Variants in SPAG16 observed in about 807,000 individuals in gnomAD.
The protein encoded by SPAG16 is sperm-associated antigen 16 protein.
Under a neutral mutation model 80.4 loss-of-function variants are expected in SPAG16, and 86 were observed. That is an observed-to-expected ratio of 1.07 (90% confidence interval 0.90 to 1.28). The LOEUF (loss-of-function observed/expected upper bound fraction) is 1.28. Ranked by LOEUF, SPAG16 falls within the 50% of genes most tolerant of loss-of-function variation. The pLI is 0.00. For missense variants in SPAG16, 870 were observed against 765.3 expected, an observed-to-expected ratio of 1.14 and a Z score of -1.61; for synonymous variants, 294 against 265.9, an observed-to-expected ratio of 1.11 and a Z score of -1.03.
At chr2:214,301,073 TA>T (rs1694518617) in intron 15 of SPAG16, among the ~76,000 whole-genome samples, 1 of 142,176 alleles carries the variant, frequency 7.0e-6, no homozygotes, top group African/African-American at 2.5e-5. Context: ...TAATAAAAGT[TA>T]GCAAGCTAAA....
intron 15 of SPAG16, among the ~76,000 whole-genome samples, chr2:214,352,217 CCAAA>C (rs1035759077): frequency 3.9e-5 from 6 of 152,204 alleles, no homozygotes; most frequent in South Asian, 4.2e-4. Context: ...AGGAGAGACA[CCAAA>C]CAGAGTATAG....
chr2:214,030,388 A>T (rs1028045330), intron 13 of SPAG16, among the ~76,000 whole-genome samples: 6 of 152,316 alleles, frequency 3.9e-5, no homozygotes, highest in Admixed American at 3.3e-4. Flanking sequence ...AGCATTATTC[A>T]TAACAGCCGA....
intron 10 of SPAG16, among the ~76,000 whole-genome samples, chr2:213,641,248 G>A (rs1347730766): frequency 6.6e-6 from 1 of 152,172 alleles, no homozygotes. Flanking sequence ...GCCTCACCCA[G>A]CTCCCAGGAA....
intron 15 of SPAG16, among the ~76,000 whole-genome samples, chr2:214,176,357 C>T (rs1018817935): frequency 7.3e-5 from 11 of 151,058 alleles, no homozygotes; most frequent in South Asian, 4.2e-4. Flanking sequence ...GGTTTGAAAA[C>T]TACAGGATAT....
chr2:213,876,589 A>C (rs897693484), intron 11 of SPAG16, among the ~76,000 whole-genome samples: 1 of 152,198 alleles, frequency 6.6e-6, no homozygotes, highest in African/African-American at 2.4e-5. Flanking sequence ...CAAAAGCATT[A>C]TAAGTATTCT....
At chr2:214,021,042 C>T (rs1035769017) in intron 13 of SPAG16, among the ~76,000 whole-genome samples, 1 of 152,084 alleles carries the variant, frequency 6.6e-6, no homozygotes, top group Non-Finnish European at 1.5e-5. Flanking sequence ...TCAAAATTAT[C>T]TGCTTACAGT....
chr2:213,288,242 A>G (rs78677936), intron 1 of SPAG16, among the ~76,000 whole-genome samples: 2,011 of 151,960 alleles, frequency 0.013, 42 homozygotes, highest in African/African-American at 0.045. Flanking sequence ...TAACAGTTCT[A>G]TCTAGTCTTT....
chr2:213,867,151 G>A (rs1334677656), intron 11 of SPAG16, among the ~76,000 whole-genome samples: 3 of 152,252 alleles, frequency 2.0e-5, no homozygotes, highest in Non-Finnish European at 4.4e-5. Context: ...TTTCGTCACA[G>A]TGTAACTCAT....
rs138436739 is a variant in SPAG16 at position 213,393,171 on chromosome 2, T to C, written c.942+18052T>C. ...ATTATGCATGTATAGCCCTGGATCA[T>C]TTGAAAATGCATAACTGAGACTGCA... On this transcript the variant is annotated intron_variant, in intron 9 of 15. Transcript: ENST00000331683. 2.3e-3 allele frequency among the ~76,000 whole-genome samples: 348 copies of C among 151,992 alleles called. 5 individuals are homozygous for C. The highest frequency in any genetic ancestry group is 0.014 in the Admixed American group (221 of 15,262).
intron 13 of SPAG16, among the ~76,000 whole-genome samples, chr2:214,033,541 A>G (rs1241943187): frequency 6.6e-6 from 1 of 152,146 alleles, no homozygotes; most frequent in Admixed American, 6.5e-5. Flanking sequence ...ACATGACACA[A>G]AAAGATTATA....
At chr2:213,365,856 A>T (rs2066250822) in intron 8 of SPAG16, among the ~76,000 whole-genome samples, 3 of 151,876 alleles carry the variant, frequency 2.0e-5, no homozygotes, top group Non-Finnish European at 2.9e-5. Context: ...TAAAGAAGAA[A>T]GATAGGCCGG....
intron 14 of SPAG16, among the ~76,000 whole-genome samples, chr2:214,122,424 A>C (rs1250556841): frequency 2.0e-5 from 3 of 151,974 alleles, no homozygotes; most frequent in East Asian, 3.9e-4. Flanking sequence ...CCTTTTTAAA[A>C]AACCAGTGAT....
chr2:214,242,450 G>T (rs906400947), intron 15 of SPAG16, among the ~76,000 whole-genome samples: 1 of 152,136 alleles, frequency 6.6e-6, no homozygotes, highest in African/African-American at 2.4e-5. Context: ...GCTTCAGAAG[G>T]TTGTTTTCTT....
chr2:213,358,997 T>C (rs971259607), intron 7 of SPAG16, among the ~76,000 whole-genome samples: 9 of 152,212 alleles, frequency 5.9e-5, no homozygotes, highest in African/African-American at 2.2e-4. Context: ...TAGTTTTCCT[T>C]CTAACAGTCA....
At chr2:213,757,101 C>T (rs573129038) in intron 10 of SPAG16, among the ~76,000 whole-genome samples, 15 of 151,966 alleles carry the variant, frequency 9.9e-5, no homozygotes, top group Admixed American at 3.9e-4. Context: ...AAATCTGAAA[C>T]GGAAATTTTT....
intron 12 of SPAG16, among the ~76,000 whole-genome samples, chr2:213,947,710 GA>G (rs2079536708): frequency 6.6e-6 from 1 of 152,138 alleles, no homozygotes; most frequent in Admixed American, 6.5e-5. Flanking sequence ...TAATTTTCGA[GA>G]AAGGCACAGA....
chr2:214,183,031 A>T (rs2057355131), intron 15 of SPAG16, among the ~76,000 whole-genome samples: 1 of 152,002 alleles, frequency 6.6e-6, no homozygotes, highest in South Asian at 2.1e-4. Flanking sequence ...GACTCTAACC[A>T]TTGGTTATTT....
At chr2:213,555,805 C>T (rs1307389715) in intron 10 of SPAG16, among the ~76,000 whole-genome samples, 1 of 152,054 alleles carries the variant, frequency 6.6e-6, no homozygotes, top group East Asian at 1.9e-4. Context: ...ATTCAGAATA[C>T]TCTAATAATG....
chr2:213,899,509 T>G (rs1249173621), intron 11 of SPAG16, among the ~76,000 whole-genome samples: 1 of 152,096 alleles, frequency 6.6e-6, no homozygotes, highest in East Asian at 1.9e-4. Context: ...CGTGATTAGA[T>G]TAAATGGATT....
Sources: gnomAD v4.1 joint callset for allele counts (sites outside exome capture counted in the v4.1 genomes callset) on GRCh38, gnomAD v4.1.1 for gene constraint, MANE v1.5 for transcripts, NCBI Gene and HGNC (gene_info 2026-07-23, HGNC 2026-07-21) for gene names.